The following SPATA6 variants were observed in gnomAD, a reference collection of about 807,000 sequenced individuals.
The protein encoded by SPATA6 is spermatogenesis associated 6, also known as spermatogenesis-associated protein 6.
Under a neutral mutation model 65.3 loss-of-function variants are expected in SPATA6, and 56 were observed. That is an observed-to-expected ratio of 0.86 (90% CI 0.69 to 1.07). The LOEUF is 1.07. SPATA6 is among the 50% of genes least tolerant of loss of function. SPATA6 has a pLI of 0.00. For synonymous variants in SPATA6, 199 were observed against 213.2 expected (o/e 0.93, Z 0.58); for missense variants, 590 against 594.8 (o/e 0.99, Z 0.08).
chr1:48,319,113 A>C (rs143675169), intron 11 of SPATA6, among the ~76,000 whole-genome samples: 52 of 152,330 alleles, frequency 3.4e-4, no homozygotes, highest in Middle Eastern at 3.4e-3. Flanking sequence ...TACAAAAATC[A>C]ACTCAAAATT....
At chr1:48,446,562 C>G (rs1217779955) in intron 3 of SPATA6, among the ~76,000 whole-genome samples, 2 of 152,080 alleles carry the variant, frequency 1.3e-5, no homozygotes, top group Admixed American at 1.3e-4. Flanking sequence ...ATATACAAAG[C>G]TTCAGTGCCA....
At chr1:48,407,738 T>C (rs1452305743) in intron 5 of SPATA6, among the ~76,000 whole-genome samples, 6 of 152,222 alleles carry the variant, frequency 3.9e-5, no homozygotes, top group Non-Finnish European at 8.8e-5. Context: ...TTTTGTCTAG[T>C]TTTATAAGAA....
At position 48,371,581 on chromosome 1, in the gene SPATA6, C is replaced by T. The variant is rs566351454; in HGVS notation, c.910-11811G>A. On this transcript the variant is annotated intron_variant, in intron 9 of 12. Coordinates refer to ENST00000371847, the MANE Select transcript of SPATA6 (RefSeq NM_019073.4). The stretch of plus-strand genomic sequence containing the variant: ...ATTTTTCCTCCACTATATGGTAACA[C>T]AGTTTAGCAAGAGAAATTATACAAA... Among the ~76,000 whole-genome samples, 4 of 152,262 alleles carry T rather than the reference C, an allele frequency of 2.6e-5. No individual in the cohort carries two copies. In the South Asian group the frequency reaches 8.3e-4, roughly 32 times the overall value.
intron 9 of SPATA6, among the ~76,000 whole-genome samples, chr1:48,360,392 T>C (rs1229280831): frequency 1.3e-5 from 2 of 152,104 alleles, no homozygotes; most frequent in African/African-American, 2.4e-5. Context: ...GGAAAGATTA[T>C]GCAGGAAAGG....
intron 1 of SPATA6, among the ~76,000 whole-genome samples, chr1:48,464,620 G>A (rs77270848): frequency 0.078 from 11,841 of 152,192 alleles, 618 homozygotes; most frequent in East Asian, 0.23. Flanking sequence ...AAACCACAAG[G>A]ATAAACTCCC....
At chr1:48,319,996 C>A (rs972770740) in intron 11 of SPATA6, among the ~76,000 whole-genome samples, 2 of 152,172 alleles carry the variant, frequency 1.3e-5, no homozygotes, top group East Asian at 1.9e-4. Flanking sequence ...GTCATGCCCC[C>A]AGTGCAGCCA....
the SPATA6 span, among the ~76,000 whole-genome samples, chr1:48,290,224 C>G: frequency 1.3e-5 from 2 of 152,092 alleles, no homozygotes. Context: ...AATTTTCAAC[C>G]CAGAATCTCA....
intron 3 of SPATA6, among the ~76,000 whole-genome samples, chr1:48,441,019 C>T (rs1655411906): frequency 1.3e-5 from 2 of 152,118 alleles, no homozygotes; most frequent in Non-Finnish European, 2.9e-5. Context: ...GGGCTTGTTA[C>T]CAGTGTGGTT....
At chr1:48,381,625 T>C (rs1375044257) in intron 9 of SPATA6, among the ~76,000 whole-genome samples, 9 of 149,410 alleles carry the variant, frequency 6.0e-5, no homozygotes, top group Non-Finnish European at 1.0e-4. Flanking sequence ...AACAATGATA[T>C]TTTAAGAAAA....
intron 11 of SPATA6, among the ~76,000 whole-genome samples, chr1:48,342,250 T>A (rs1646239314): frequency 6.6e-6 from 1 of 152,106 alleles, no homozygotes; most frequent in Non-Finnish European, 1.5e-5. Context: ...TTTTAAAAAA[T>A]AGCTAGAATT....
At chr1:48,267,365 C>T in the SPATA6 span, among the ~76,000 whole-genome samples, 1 of 152,200 alleles carries the variant, frequency 6.6e-6, no homozygotes, top group Admixed American at 6.5e-5. Context: ...GACTCTCTGC[C>T]TTATTGCAAG....
At chr1:48,367,241 G>A (rs1647051294) in intron 9 of SPATA6, among the ~76,000 whole-genome samples, 1 of 152,236 alleles carries the variant, frequency 6.6e-6, no homozygotes, top group Admixed American at 6.5e-5. Context: ...CGGAATAAGT[G>A]TGGTGTGGTG....
At chr1:48,450,318 A>G (rs1023742778) in intron 3 of SPATA6, among the ~76,000 whole-genome samples, 18 of 146,132 alleles carry the variant, frequency 1.2e-4, no homozygotes, top group African/African-American at 4.6e-4. Context: ...ATGGAATACT[A>G]GTGGTTGGGA....
At chr1:48,414,149 G>A (rs548852215) in intron 3 of SPATA6, among the ~76,000 whole-genome samples, 134 of 152,248 alleles carry the variant, frequency 8.8e-4, no homozygotes, top group African/African-American at 3.2e-3. Context: ...AGCTCAGTGC[G>A]GACAAGTGTG....
At chr1:48,461,577 A>T (rs1657433884) in intron 1 of SPATA6, among the ~76,000 whole-genome samples, 1 of 152,192 alleles carries the variant, frequency 6.6e-6, no homozygotes, top group South Asian at 2.1e-4. Flanking sequence ...TTTTCCCAGC[A>T]CCATTTATTA....
At chr1:48,413,591 C>T (rs1043486206) in intron 3 of SPATA6, among the ~76,000 whole-genome samples, 6 of 151,658 alleles carry the variant, frequency 4.0e-5, no homozygotes, top group South Asian at 2.1e-4. Context: ...TGTGAGCCAC[C>T]GTGCCCAGCC....
chr1:48,471,916 C>G (rs1015974198), intron 1 of SPATA6, 42 bp downstream of exon 1: 2 of 1,607,484 alleles, frequency 1.2e-6, no homozygotes, highest in Non-Finnish European at 1.7e-6. Flanking sequence ...GAGGGAGTCC[C>G]TGAGCCAATG....
At chr1:48,368,671 T>C (rs563346486) in intron 9 of SPATA6, among the ~76,000 whole-genome samples, 11 of 152,370 alleles carry the variant, frequency 7.2e-5, no homozygotes, top group Admixed American at 1.3e-4. Flanking sequence ...CTTCTCTGCA[T>C]TGGTTATTCT....
Position 48,368,863 on chromosome 1 carries a change from G to A in SPATA6, c.910-9093C>T, listed in dbSNP as rs547643705. On this transcript the variant is annotated intron_variant, in intron 9 of 12. Transcript: ENST00000371847. ...GGAACTGCATTCCTTTGGAGAAGGA[G>A]AGGCGTGCTGTTTTTTAGATTTCCA... 1.2e-3 allele frequency among the ~76,000 whole-genome samples: 182 copies of A among 152,330 alleles called. 2 individuals are homozygous for A. The highest frequency in any genetic ancestry group is 6.8e-3 in the Middle Eastern group (2 of 294).
Sources: allele counts gnomAD v4.1 joint callset (sites outside exome capture counted in the v4.1 genomes callset), GRCh38; gene constraint gnomAD v4.1.1; transcripts MANE v1.5; gene names NCBI Gene and HGNC (gene_info 2026-07-23, HGNC 2026-07-21).